The following EPHA6 variants were observed in gnomAD, a reference collection of about 807,000 sequenced individuals.
The protein encoded by EPHA6 is EPH receptor A6, also known as ephrin type-A receptor 6.
A neutral mutation model predicts 112.0 loss-of-function variants in EPHA6; 50 were observed. That is an observed-to-expected ratio of 0.45 (90% CI 0.36 to 0.56). EPHA6 has a LOEUF of 0.56. Among genes scored for constraint, EPHA6 ranks in the 20% least tolerant of loss-of-function variants. EPHA6 has a pLI of 0.00. For missense variants in EPHA6, 1,280 were observed against 1,417.4 expected (o/e 0.90, Z 1.56); for synonymous variants, 529 against 490.7 (o/e 1.08, Z -1.03).
chr3:97,226,309 G>A lies in EPHA6; in HGVS notation c.1160G>A (p.Cys387Tyr). The A allele has an allele frequency of 6.2e-7, 1 of 1,613,012 alleles. No individual in the cohort carries two copies. Among genetic ancestry groups the A allele is most frequent in the Non-Finnish European group, 8.5e-7 (1 of 1,179,384 alleles). The change falls in exon 4 of 18, where the codon TGT (cysteine) becomes TAT (tyrosine). Residue 387 changes from cysteine (C) to tyrosine (Y), a missense_variant. Transcript: ENST00000389672. ...FYKAFAGNTK[C>Y]SKCPPHSLTY... is the part of the protein sequence containing the mutation. ...AAAGCTTTTGCTGGGAACACAAAAT[G>A]TTCTAAATGTCCTCCACACAGTTTA...
At chr3:97,411,572 A>C (rs938540193) in intron 6 of EPHA6, among the ~76,000 whole-genome samples, 2 of 152,108 alleles carry the variant, frequency 1.3e-5, no homozygotes, top group Non-Finnish European at 2.9e-5. Context: ...AGAAAGAAAA[A>C]AATAGTTGGT....
In EPHA6 at chr3:97,383,268, A is replaced by G. The variant is rs542708387; in HGVS notation, c.1607-21882A>G. Among the ~76,000 whole-genome samples the G allele has an allele frequency of 8.8e-4, 134 of 152,242 alleles. 1 individual carries two copies. Among genetic ancestry groups the G allele is most frequent in the African/African-American group, 3.0e-3 (126 of 41,568 alleles). Reference sequence around the variant, plus strand: ...CTATCCCTGGAAAAGGAGTAATTGCATTCTGATTGTGGAAATTATGTCTAT... The same window carrying G: ...CTATCCCTGGAAAAGGAGTAATTGCGTTCTGATTGTGGAAATTATGTCTAT... On this transcript the variant is annotated intron_variant, in intron 5 of 17. Transcript: ENST00000389672.
chr3:97,155,647 G>A (rs899996374), intron 3 of EPHA6, among the ~76,000 whole-genome samples: 1 of 152,174 alleles, frequency 6.6e-6, no homozygotes, highest in Admixed American at 6.6e-5. Context: ...GAAGCTCTGG[G>A]GAGAATCTGC....
At chr3:96,931,457 GCT>G (rs2040322652) in intron 2 of EPHA6, among the ~76,000 whole-genome samples, 1 of 151,994 alleles carries the variant, frequency 6.6e-6, no homozygotes, top group Non-Finnish European at 1.5e-5. Context: ...AGAGGTCAGA[GCT>G]CTGTCTGTAG....
At chr3:97,412,220 TC>T (rs1315766174) in intron 6 of EPHA6, among the ~76,000 whole-genome samples, 1 of 152,104 alleles carries the variant, frequency 6.6e-6, no homozygotes, top group Non-Finnish European at 1.5e-5. Context: ...GGGCTGGAAT[TC>T]TTTTGGTGGT....
intron 5 of EPHA6, among the ~76,000 whole-genome samples, chr3:97,312,082 T>C (rs771120562): frequency 6.6e-5 from 10 of 151,696 alleles, no homozygotes; most frequent in Non-Finnish European, 1.5e-4. Flanking sequence ...TCATTTCCAA[T>C]TCTTTGTTGC....
intron 14 of EPHA6, among the ~76,000 whole-genome samples, chr3:97,681,729 T>C (rs1430543372): frequency 6.6e-6 from 1 of 152,002 alleles, no homozygotes; most frequent in African/African-American, 2.4e-5. Context: ...GATCCTTTTT[T>C]AATAAAATAC....
intron 5 of EPHA6, among the ~76,000 whole-genome samples, chr3:97,365,175 AT>A (rs2084644963): frequency 6.6e-6 from 1 of 152,216 alleles, no homozygotes; most frequent in South Asian, 2.1e-4. Flanking sequence ...AGCTATTATC[AT>A]AATCATATTC....
At chr3:97,575,124 G>A (rs1281294929) in intron 11 of EPHA6, among the ~76,000 whole-genome samples, 1 of 151,952 alleles carries the variant, frequency 6.6e-6, no homozygotes, top group African/African-American at 2.4e-5. Context: ...AAGAGCATAG[G>A]AAATTAGAAC....
intron 3 of EPHA6, among the ~76,000 whole-genome samples, chr3:97,057,704 A>C (rs2045895519): frequency 6.6e-6 from 1 of 152,204 alleles, no homozygotes; most frequent in South Asian, 2.1e-4. Context: ...TATACTCATA[A>C]TATGTATATA....
chr3:97,397,539 CCTGT>C, intron 5 of EPHA6, among the ~76,000 whole-genome samples: 1 of 151,508 alleles, frequency 6.6e-6, no homozygotes, highest in Non-Finnish European at 1.5e-5. Flanking sequence ...TTTATATTGA[CCTGT>C]AAATTGTTTC....
intron 5 of EPHA6, among the ~76,000 whole-genome samples, chr3:97,377,428 G>A (rs961214599): frequency 1.3e-5 from 2 of 152,056 alleles, no homozygotes; most frequent in Admixed American, 6.6e-5. Flanking sequence ...TCAGTAGCAT[G>A]AAAACACCAG....
At chr3:97,535,604 T>G (rs2092752951) in intron 11 of EPHA6, among the ~76,000 whole-genome samples, 1 of 152,128 alleles carries the variant, frequency 6.6e-6, no homozygotes, top group African/African-American at 2.4e-5. Flanking sequence ...AAATTCATAG[T>G]AATTATTCCA....
intron 3 of EPHA6, among the ~76,000 whole-genome samples, chr3:96,994,905 A>G (rs2043364305): frequency 6.6e-6 from 1 of 151,794 alleles, no homozygotes; most frequent in South Asian, 2.1e-4. Context: ...ACTTAACTAA[A>G]TACTATTTGT....
In EPHA6 at chr3:97,736,184, T is replaced by C. The variant is rs2035244143; in HGVS notation, c.3128+66T>C. On this transcript the variant is annotated intron_variant, in intron 16 of 17. Coordinates refer to ENST00000389672, the MANE Select transcript of EPHA6 (RefSeq NM_001080448.3). ...ATGGTTTCTTTCAGGCTATAGATAA[T>C]AATAACAGGTAGAAAGGAAAAAAAT... The C allele has an allele frequency of 3.0e-6, 4 of 1,339,496 alleles. No homozygotes were observed. The Admixed American group carries it at 6.7e-5, about 22-fold the overall frequency. 83.0% of individuals were successfully genotyped at this position (1,339,496 alleles called of 1,614,324 possible). A position where few individuals can be genotyped will look rare whatever the true frequency, so the allele number is the denominator to read the frequency against.
chr3:97,150,985 G>A (rs796619893), intron 3 of EPHA6, among the ~76,000 whole-genome samples: 7 of 151,974 alleles, frequency 4.6e-5, no homozygotes, highest in African/African-American at 1.7e-4. Flanking sequence ...TACTACTTAG[G>A]CACTTGAGAT....
At chr3:97,189,203 T>C (rs1025197999) in intron 3 of EPHA6, among the ~76,000 whole-genome samples, 1 of 151,992 alleles carries the variant, frequency 6.6e-6, no homozygotes, top group Non-Finnish European at 1.5e-5. Context: ...ATTATCTACA[T>C]TTTCAGGCTT....
chr3:97,650,577 C>T (rs978511283), intron 14 of EPHA6, among the ~76,000 whole-genome samples: 39 of 151,798 alleles, frequency 2.6e-4, no homozygotes, highest in Non-Finnish European at 3.4e-4. Flanking sequence ...CTGGCTCAGT[C>T]ATATATACTA....
intron 1 of EPHA6, among the ~76,000 whole-genome samples, chr3:96,866,398 T>A (rs2036313731): frequency 6.6e-6 from 1 of 151,988 alleles, no homozygotes; most frequent in Non-Finnish European, 1.5e-5. Flanking sequence ...TGGCTGATAA[T>A]ATATAAGGAC....
Sources: gnomAD v4.1 joint callset for allele counts (sites outside exome capture counted in the v4.1 genomes callset) on GRCh38, gnomAD v4.1.1 for gene constraint, MANE v1.5 for transcripts, NCBI Gene and HGNC (gene_info 2026-07-23, HGNC 2026-07-21) for gene names.